PRKN: variants seen among roughly 807,000 people sequenced by gnomAD.
The protein encoded by PRKN is E3 ubiquitin-protein ligase parkin.
Under a neutral mutation model 59.5 loss-of-function variants are expected in PRKN, and 56 were observed. The observed-to-expected ratio is 0.94, with a 90% confidence interval of 0.76 to 1.18. The LOEUF (loss-of-function observed/expected upper bound fraction) is 1.18, where lower values mean the gene tolerates loss of function less well. Among genes scored for constraint, PRKN ranks in the 50% most tolerant of loss-of-function variants. PRKN has a pLI of 0.00. For missense variants in PRKN, 657 were observed against 596.4 expected (o/e 1.10, Z -1.06); for synonymous variants, 250 against 222.1 (o/e 1.13, Z -1.12).
intron 9 of PRKN, among the ~76,000 whole-genome samples, chr6:161,420,340 G>A (rs772603103): frequency 6.6e-6 from 1 of 151,942 alleles, no homozygotes; most frequent in Non-Finnish European, 1.5e-5. Flanking sequence ...TCTGAAATGC[G>A]TTATGAGAGG....
chr6:162,599,990 T>C (rs1323232310), intron 1 of PRKN, among the ~76,000 whole-genome samples: 2 of 152,178 alleles, frequency 1.3e-5, no homozygotes, highest in African/African-American at 4.8e-5. Context: ...CTATTTTTAA[T>C]TGATGTTTCA....
chr6:161,877,490 C>T (rs1243071204), intron 6 of PRKN, among the ~76,000 whole-genome samples: 1 of 148,280 alleles, frequency 6.7e-6, no homozygotes, highest in African/African-American at 2.5e-5. Flanking sequence ...GACAGAGCCT[C>T]GTTGTGTCAC....
intron 1 of PRKN, among the ~76,000 whole-genome samples, chr6:162,456,459 G>A (rs1217783415): frequency 1.3e-5 from 2 of 151,964 alleles, no homozygotes; most frequent in Non-Finnish European, 2.9e-5. Context: ...TTAATACTAA[G>A]GCTTATGGTA....
At chr6:161,885,388 G>A (rs76770864) in intron 6 of PRKN, among the ~76,000 whole-genome samples, 1,733 of 152,180 alleles carry the variant, frequency 0.011, 29 homozygotes, top group African/African-American at 0.04. Context: ...TGTCTGGGCC[G>A]GGTGCGGTGG....
At chr6:161,895,933 A>G (rs1365211848) in intron 6 of PRKN, among the ~76,000 whole-genome samples, 3 of 152,178 alleles carry the variant, frequency 2.0e-5, no homozygotes, top group African/African-American at 4.8e-5. Flanking sequence ...AGGGAGCTGG[A>G]AAGGACTGAG....
chr6:161,439,430 A>C (rs1455947178), intron 9 of PRKN, among the ~76,000 whole-genome samples: 1 of 152,224 alleles, frequency 6.6e-6, no homozygotes, highest in Non-Finnish European at 1.5e-5. Flanking sequence ...GTAGAAATGC[A>C]AATAAGTACG....
At position 161,390,013 on chromosome 6, in the gene PRKN, G is replaced by T. The variant is rs1056242132; in HGVS notation, c.1084-3136C>A. ...GCATGGCAAAAGGCAAGCAAATGCT[G>T]CAGGAATATTCCGGTGATGACTTCA... On this transcript the variant is annotated intron_variant, in intron 9 of 11. Transcript: ENST00000366898. This position sits in a 1 kb window ranked among gnomAD's most constrained non-coding sequence, Gnocchi z 7.0. Among the ~76,000 whole-genome samples, 1 of 152,226 alleles carries T rather than the reference G, an allele frequency of 6.6e-6. No homozygotes were observed. Among genetic ancestry groups the T allele is most frequent in the Non-Finnish European group, 1.5e-5 (1 of 68,042 alleles).
rs548168330 is a variant in PRKN at position 162,651,929 on chromosome 6, T to C, written c.7+75733A>G. On this transcript the variant is annotated intron_variant, in intron 1 of 11. Coordinates refer to ENST00000366898, the MANE Select transcript of PRKN (RefSeq NM_004562.3). ...CTTTATCCCTAAAATTTCATATGCA[T>C]AATGTGGGCCACATACTTTTAAAAA... Among the ~76,000 whole-genome samples, 6 of 152,360 alleles carry C rather than the reference T, an allele frequency of 3.9e-5. No homozygotes were observed. In the East Asian group the frequency reaches 1.2e-3, roughly 29 times the overall value.
chr6:161,833,894 T>C (rs904103038), intron 6 of PRKN, among the ~76,000 whole-genome samples: 3 of 152,266 alleles, frequency 2.0e-5, no homozygotes, highest in Middle Eastern at 3.4e-3. Context: ...ATACATGTAG[T>C]TTTGCAGTAA....
intron 2 of PRKN, among the ~76,000 whole-genome samples, chr6:162,284,956 A>C (rs547010213): frequency 1.3e-5 from 2 of 152,166 alleles, no homozygotes; most frequent in South Asian, 4.1e-4. Flanking sequence ...TGTCAGCATT[A>C]GGGTGGGTCT....
In PRKN at chr6:161,847,049, C is replaced by T. The variant is rs144483587; in HGVS notation, c.735-61141G>A. ...ACTGGGCCAGGCACGGTGGCTCACACCTGCAATCCCAGCACTGTGGGAGGC... is the reference window on the plus strand; with the variant it reads ...ACTGGGCCAGGCACGGTGGCTCACATCTGCAATCCCAGCACTGTGGGAGGC... On this transcript the variant is annotated intron_variant, in intron 6 of 11. Transcript: ENST00000366898. Among the ~76,000 whole-genome samples, 299 of 152,292 alleles carry T rather than the reference C, an allele frequency of 2.0e-3. 1 individual carries two copies. Among genetic ancestry groups the T allele is most frequent in the African/African-American group, 6.6e-3 (276 of 41,566 alleles).
At chr6:161,961,844 C>T (rs1419933443) in intron 6 of PRKN, among the ~76,000 whole-genome samples, 4 of 152,166 alleles carry the variant, frequency 2.6e-5, no homozygotes. Context: ...CAAATGCCTG[C>T]ATGAGACTGC....
intron 2 of PRKN, among the ~76,000 whole-genome samples, chr6:162,318,316 G>A (rs1782835281): frequency 6.6e-6 from 1 of 152,032 alleles, no homozygotes; most frequent in Non-Finnish European, 1.5e-5. Context: ...AAGCCAAATA[G>A]ATGTGAAGCC....
chr6:161,996,659 C>T (rs1019606377), intron 5 of PRKN, among the ~76,000 whole-genome samples: 3 of 151,908 alleles, frequency 2.0e-5, no homozygotes, highest in Non-Finnish European at 4.4e-5. Context: ...TTAATAGTTA[C>T]GTTAACATGT....
intron 5 of PRKN, among the ~76,000 whole-genome samples, chr6:161,977,542 G>GTTTTTTTTTTTTTTTTTTTT (rs1554256833): frequency 9.6e-6 from 1 of 104,522 alleles, no homozygotes; most frequent in Non-Finnish European, 1.9e-5. Context: ...TGTTTTTTTG[G>GTTTTTTTTTTTTTTTTTTTT]TTTTTTTTTT....
intron 7 of PRKN, among the ~76,000 whole-genome samples, chr6:161,773,534 C>T (rs914060024): frequency 3.1e-5 from 4 of 130,186 alleles, no homozygotes; most frequent in Non-Finnish European, 6.8e-5. Context: ...TACACAAACA[C>T]ACACTAAAAA....
chr6:162,706,810 A>G (rs1349988026), intron 1 of PRKN, among the ~76,000 whole-genome samples: 1 of 151,504 alleles, frequency 6.6e-6, no homozygotes, highest in Non-Finnish European at 1.5e-5. Flanking sequence ...GGAATGTATC[A>G]TAGATATAGA....
intron 6 of PRKN, among the ~76,000 whole-genome samples, chr6:161,881,565 G>A (rs1201084309): frequency 6.6e-6 from 1 of 152,168 alleles, no homozygotes; most frequent in Non-Finnish European, 1.5e-5. Context: ...AATGGGAAGA[G>A]CGTTGCAAAT....
chr6:162,633,717 G>C (rs954077181), intron 1 of PRKN, among the ~76,000 whole-genome samples: 31 of 152,006 alleles, frequency 2.0e-4, no homozygotes, highest in Non-Finnish European at 1.8e-4. Flanking sequence ...CCCTGAATGT[G>C]CCTGGGATGA....
Sources: allele counts gnomAD v4.1 joint callset (sites outside exome capture counted in the v4.1 genomes callset), GRCh38; gene constraint gnomAD v4.1.1; non-coding constraint Gnocchi (gnomAD v3.1); transcripts MANE v1.5; gene names NCBI Gene and HGNC (gene_info 2026-07-23, HGNC 2026-07-21).